TNFRSF17: variants seen among roughly 807,000 people sequenced by gnomAD.
TNFRSF17 encodes TNF receptor superfamily member 17.
TNFRSF17 carries 13 observed loss-of-function variants against 9.9 expected under a neutral mutation model. The observed-to-expected ratio is 1.31, with a 90% CI of 0.85 to 2.08. The LOEUF (loss-of-function observed/expected upper bound fraction) is 2.08. Among genes scored for constraint, TNFRSF17 ranks in the 30% most tolerant of loss-of-function variants. The probability of loss-of-function intolerance (pLI) is 0.00; values close to 1 mark genes in which losing one functional copy is unlikely to be tolerated. For synonymous variants in TNFRSF17, 99 were observed against 83.7 expected, an observed-to-expected ratio of 1.18 and a Z score of -1.00; for missense variants, 305 against 225.8, an observed-to-expected ratio of 1.35 and a Z score of -2.25.
In TNFRSF17 at chr16:11,967,573, C is replaced by A. The variant is rs1474021676; in HGVS notation, c.281C>A (p.Ser94Ter). ...PLKDEFKNTGSGLLGMANIDL... is the reference protein window; with the variant it reads ...PLKDEFKNTG The stretch of plus-strand genomic sequence containing the variant: ...GTTTCCGTTTCTACATAATTAGGAT[C>A]AGGTCTCCTGGGCATGGCTAACATT... The change falls in exon 3 of 3, where the codon TCA becomes TAA. Residue 94 changes from serine (S) to a stop codon, truncating the protein, a stop_gained. Transcript: ENST00000053243. LOFTEE classifies it low-confidence loss of function (END_TRUNC). The A allele has an allele frequency of 1.2e-6, 2 of 1,609,912 alleles. No homozygotes were observed. The highest frequency in any genetic ancestry group is 3.4e-5 in the Admixed American group (2 of 59,564).
chr16:11,967,649 C>T lies in TNFRSF17; in HGVS notation c.357C>T (p.Leu119=), dbSNP rs776988503. The T allele has an allele frequency of 1.6e-5, 26 of 1,613,996 alleles. No homozygotes were observed. Among genetic ancestry groups the T allele is most frequent in the South Asian group, 1.4e-4 (13 of 91,082 alleles). ...ATGAAATTATTCTTCCGAGAGGCCT[C>T]GAGTACACGGTGGAAGAATGCACCT... ...TGDEIILPRG[L]EYTVEECTCE... Residue 119 remains leucine (L), a synonymous_variant, in exon 3 of 3, where the codon CTC becomes CTT. Transcript: ENST00000053243.
At chr16:11,966,442 C>T (rs550858998) in intron 2 of TNFRSF17, 101 bp downstream of exon 2, 27 of 1,227,528 alleles carry the variant, frequency 2.2e-5, no homozygotes, top group Non-Finnish European at 2.9e-5. Flanking sequence ...CACTTCGTTA[C>T]AGCCCTTTCG....
At position 11,967,924 on chromosome 16, in the gene TNFRSF17, T is replaced by C; in HGVS notation, c.*77T>C. ...GATGATGTGTCAGATCTCTTTAGGATGACTGTATTTTTCAGTTGCCGATAC... is the reference window on the plus strand; with the variant it reads ...GATGATGTGTCAGATCTCTTTAGGACGACTGTATTTTTCAGTTGCCGATAC... On this transcript the variant is annotated 3_prime_UTR_variant, in exon 3 of 3. Coordinates refer to ENST00000053243, the MANE Select transcript of TNFRSF17 (RefSeq NM_001192.3). 1 of 1,508,754 alleles carries C rather than the reference T, an allele frequency of 6.6e-7. No homozygotes were observed. Among genetic ancestry groups the C allele is most frequent in the Middle Eastern group, 2.1e-4 (1 of 4,786 alleles). 93.5% of individuals were successfully genotyped at this position (1,508,754 alleles called of 1,614,324 possible).
Position 11,966,341 on chromosome 16 carries a change from G to A in TNFRSF17, c.277G>A (p.Gly93Arg), listed in dbSNP as rs376683900. 3 of 1,608,976 alleles carry A rather than the reference G, an allele frequency of 1.9e-6. No homozygotes were observed. Among genetic ancestry groups the A allele is most frequent in the African/African-American group, 2.7e-5 (2 of 74,808 alleles). The change falls in exon 2 of 3, where the codon GGA becomes AGA. Residue 93 changes from glycine (G) to arginine (R), a missense_variant and splice_region_variant. Coordinates refer to ENST00000053243, the MANE Select transcript of TNFRSF17 (RefSeq NM_001192.3). ...ATTAAAGGACGAGTTTAAAAACACA[G>A]GTTGGTTTGATGGTGAATCTTTGAA... ...EPLKDEFKNT[G>R]SGLLGMANID...
intron 1 of TNFRSF17, 130 bp from the exon 2 acceptor site, chr16:11,966,065 C>T (rs1008343927): frequency 2.2e-5 from 18 of 830,744 alleles, no homozygotes; most frequent in African/African-American, 1.2e-4. Context: ...GAGCCGAGAT[C>T]GCGCCACTGC....
Position 11,967,655 on chromosome 16 carries a change from C to T in TNFRSF17, c.363C>T (p.Tyr121=). The change falls in exon 3 of 3, where the codon TAC becomes TAT. Residue 121 remains tyrosine (Y), a synonymous_variant. Transcript: ENST00000053243. ...DEIILPRGLE[Y]TVEECTCEDC... ...TTATTCTTCCGAGAGGCCTCGAGTA[C>T]ACGGTGGAAGAATGCACCTGTGAAG... 6.2e-7 allele frequency: 1 copy of T among 1,614,182 alleles called. No individual in the cohort carries two copies. Among genetic ancestry groups the T allele is most frequent in the Non-Finnish European group, 8.5e-7 (1 of 1,180,028 alleles).
chr16:11,966,578 C>T (rs2055195949), intron 2 of TNFRSF17, among the ~76,000 whole-genome samples: 1 of 152,166 alleles, frequency 6.6e-6, no homozygotes, highest in South Asian at 2.1e-4. Context: ...CTGTTAATTA[C>T]TCTATTGAAA....
intron 2 of TNFRSF17, 60 bp downstream of exon 2, chr16:11,966,401 G>A (rs1478455243): frequency 1.4e-5 from 22 of 1,535,470 alleles, no homozygotes; most frequent in Non-Finnish European, 1.7e-5. Context: ...GTGAGTTTCA[G>A]TTCCTTTTCT....
At position 11,965,250 on chromosome 16, in the gene TNFRSF17, TG is replaced by T. The variant is rs1408685459; in HGVS notation, c.-73del. ...CTAGCTGCTCTTGCTGCATTTGCTC[TG>T]GAATTCTTGTAGAGATATTACTTGT... is the stretch of plus-strand genomic sequence containing the variant. On this transcript the variant is annotated 5_prime_UTR_variant, in exon 1 of 3. Coordinates refer to ENST00000053243, the MANE Select transcript of TNFRSF17 (RefSeq NM_001192.3). The T allele has an allele frequency of 1.3e-6, 2 of 1,580,484 alleles. No homozygotes were observed. Among genetic ancestry groups the T allele is most frequent in the African/African-American group, 2.7e-5 (2 of 73,866 alleles).
intron 2 of TNFRSF17, among the ~76,000 whole-genome samples, 190 bp downstream of exon 2, chr16:11,966,531 A>G (rs1311730915): frequency 6.6e-6 from 1 of 152,178 alleles, no homozygotes. Context: ...ACCTTGGCAG[A>G]TTTTCTACAA....
At position 11,966,328 on chromosome 16, in the gene TNFRSF17, G is replaced by C; in HGVS notation, c.264G>C (p.Glu88Asp). 1.9e-6 allele frequency: 3 copies of C among 1,612,116 alleles called. No homozygotes were observed. The highest frequency in any genetic ancestry group is 2.5e-6 in the Non-Finnish European group (3 of 1,179,236). The change falls in exon 2 of 3, where the codon GAG becomes GAC. Residue 88 changes from glutamate to aspartate, a missense_variant. Transcript: ENST00000053243. Reference protein sequence around the residue: ...RKINSEPLKDEFKNTGSGLLG... With the variant: ...RKINSEPLKDDFKNTGSGLLG... ...TAAACTCTGAACCATTAAAGGACGAGTTTAAAAACACAGGTTGGTTTGATG... is the reference window on the plus strand; with the variant it reads ...TAAACTCTGAACCATTAAAGGACGACTTTAAAAACACAGGTTGGTTTGATG...
chr16:11,967,490 T>A (rs926684039), intron 2 of TNFRSF17, 80 bp from the exon 3 acceptor site: 1 of 1,397,816 alleles, frequency 7.2e-7, no homozygotes, highest in Non-Finnish European at 9.8e-7. Context: ...TTGCTTTGAG[T>A]CCCGATGTGT....
intron 1 of TNFRSF17, among the ~76,000 whole-genome samples, chr16:11,965,890 A>C (rs1469483832): frequency 6.6e-6 from 1 of 152,170 alleles, no homozygotes; most frequent in East Asian, 1.9e-4. Context: ...TGGGTGAATC[A>C]CCTGAGGTCG....
chr16:11,966,102 C>G, intron 1 of TNFRSF17, 93 bp from the exon 2 acceptor site: 13 of 1,354,284 alleles, frequency 9.6e-6, no homozygotes, highest in Non-Finnish European at 1.3e-5. Context: ...CAGAGCAAGA[C>G]TTTGTCTCAA....
In TNFRSF17 at chr16:11,966,044, G is replaced by A. The variant is rs2055190666; in HGVS notation, c.131-151G>A. On this transcript the variant is annotated intron_variant, in intron 1 of 2. Coordinates refer to ENST00000053243, the MANE Select transcript of TNFRSF17 (RefSeq NM_001192.3). ...GAGAATTGTTTGAACTTGGGAGGTGGAGGTTGCAGTGAGCCGAGATCGCGC... is the reference window on the plus strand; with the variant it reads ...GAGAATTGTTTGAACTTGGGAGGTGAAGGTTGCAGTGAGCCGAGATCGCGC... 8.7e-6 allele frequency: 5 copies of A among 577,868 alleles called. No homozygotes were observed. The South Asian group carries it at 1.5e-4, about 17-fold the overall frequency. 35.8% of individuals were successfully genotyped at this position (577,868 alleles called of 1,614,324 possible).
At position 11,966,294 on chromosome 16, in the gene TNFRSF17, T is replaced by C. The variant is rs1421347357; in HGVS notation, c.230T>C (p.Leu77Pro). The C allele has an allele frequency of 6.2e-7, 1 of 1,613,962 alleles. No individual in the cohort carries two copies. The highest frequency in any genetic ancestry group is 1.3e-5 in the African/African-American group (1 of 74,932). The change falls in exon 2 of 3, where the codon CTA (leucine) becomes CCA (proline). Residue 77 changes from leucine (L) to proline (P), a missense_variant. Leu to Pro is a moderately conservative substitution (Grantham distance 98). Transcript: ENST00000053243. ...GCAGTTTTCGTGCTAATGTTTTTGC[T>C]AAGGAAGATAAACTCTGAACCATTA... ...SLAVFVLMFL[L>P]RKINSEPLKD...
At chr16:11,966,052 A>C (rs2055190781) in intron 1 of TNFRSF17, 143 bp from the exon 2 acceptor site, 2 of 655,004 alleles carry the variant, frequency 3.1e-6, no homozygotes, top group Admixed American at 7.4e-5. Flanking sequence ...TGGAGGTTGC[A>C]GTGAGCCGAG....
intron 1 of TNFRSF17, 105 bp from the exon 2 acceptor site, chr16:11,966,090 A>G: frequency 8.1e-7 from 1 of 1,238,394 alleles, no homozygotes; most frequent in Non-Finnish European, 1.1e-6. Context: ...TAGCCTGGGC[A>G]ACAGAGCAAG....
Position 11,967,808 on chromosome 16 carries a change from G to A in TNFRSF17, c.516G>A (p.Leu172=), listed in dbSNP as rs2055207745. 6.2e-7 allele frequency: 1 copy of A among 1,614,086 alleles called. No homozygotes were observed. The highest frequency in any genetic ancestry group is 1.3e-5 in the African/African-American group (1 of 74,948). ...ATTGCAAGAGCCTGCCAGCTGCTTT[G>A]AGTGCTACGGAGATAGAGAAATCAA... is the stretch of plus-strand genomic sequence containing the variant. ...NDYCKSLPAA[L]SATEIEKSIS... is the part of the protein sequence containing the mutation. Residue 172 remains leucine, a synonymous_variant, in exon 3 of 3, where the codon TTG becomes TTA. Coordinates refer to ENST00000053243, the MANE Select transcript of TNFRSF17 (RefSeq NM_001192.3).
Sources: gnomAD v4.1 joint callset for allele counts (sites outside exome capture counted in the v4.1 genomes callset) on GRCh38, gnomAD v4.1.1 for gene constraint, MANE v1.5 for transcripts, NCBI Gene and HGNC (gene_info 2026-07-23, HGNC 2026-07-21) for gene names.